The following FBLN2 variants were observed in gnomAD, a reference collection of about 807,000 sequenced individuals.
FBLN2 encodes the protein fibulin 2, also known as fibulin-2.
In FBLN2, 81 loss-of-function variants were observed where a neutral mutation model predicts 123.7. That is an observed-to-expected ratio of 0.65 (90% CI 0.55 to 0.79). FBLN2 has a LOEUF of 0.79. Ranked by LOEUF, FBLN2 falls within the 30% of genes least tolerant of loss-of-function variation. FBLN2 has a pLI of 0.00. For synonymous variants in FBLN2, 699 were observed against 701.4 expected (o/e 1.00, Z 0.05); for missense variants, 1,603 against 1,681.3 (o/e 0.95, Z 0.81).
chr3:13,633,383 G>C (rs989493821), intron 16 of FBLN2, among the ~76,000 whole-genome samples: 5 of 152,270 alleles, frequency 3.3e-5, no homozygotes, highest in African/African-American at 1.2e-4. Context: ...GCCCCACCAG[G>C]AGGTTGGGGC....
chr3:13,552,143 G>C (rs1367266500), intron 1 of FBLN2, among the ~76,000 whole-genome samples: 1 of 152,130 alleles, frequency 6.6e-6, no homozygotes, highest in African/African-American at 2.4e-5. Flanking sequence ...TTCTGGTTTG[G>C]GGAGGGGTGG....
chr3:13,623,256 C>T (rs1033311747), intron 9 of FBLN2, among the ~76,000 whole-genome samples: 2 of 152,342 alleles, frequency 1.3e-5, no homozygotes, highest in African/African-American at 2.4e-5. Context: ...CCAGGGCCCA[C>T]GAGCACCCCT....
At chr3:13,628,068 G>A in intron 11 of FBLN2, 99 bp downstream of exon 11, 2 of 1,441,136 alleles carry the variant, frequency 1.4e-6, no homozygotes, top group Non-Finnish European at 9.4e-7. Flanking sequence ...GGCCTGGCTT[G>A]CTGCTCCATT....
intron 10 of FBLN2, among the ~76,000 whole-genome samples, chr3:13,627,273 C>T (rs1325167490): frequency 1.3e-5 from 2 of 152,144 alleles, no homozygotes; most frequent in Non-Finnish European, 2.9e-5. Context: ...GGAGGAAGCA[C>T]TCTTGGCATG....
Position 13,637,780 on chromosome 3 carries a change from C to T in FBLN2, c.3557C>T (p.Thr1186Met), listed in dbSNP as rs768351865. 3.7e-6 allele frequency: 6 copies of T among 1,613,798 alleles called. No individual in the cohort carries two copies. Among genetic ancestry groups the T allele is most frequent in the Admixed American group, 1.7e-5 (1 of 60,006 alleles). ...GGCACGCGCAGGCTCAATGCCTACA[C>T]GGGTGTGGTCTACCTGCAGCGGGCC... is the stretch of plus-strand genomic sequence containing the variant. ...YFGTRRLNAY[T>M]GVVYLQRAVL... Residue 1186 changes from threonine to methionine, a missense_variant, in exon 18 of 18, where the codon ACG (threonine) becomes ATG (methionine). Physicochemically the swap from Thr to Met is moderately conservative, Grantham distance 81 (BLOSUM62 -1). Transcript: ENST00000404922.
chr3:13,629,942 G>A lies in FBLN2; in HGVS notation c.2965G>A (p.Glu989Lys). ...FLLAADGKRC[E>K]DVNECEAQRC... ...GCTAGCAGCGGACGGCAAGCGCTGTGAAGGTAGGCTGGCCCTCATCTCTGA... is the reference window on the plus strand; with the variant it reads ...GCTAGCAGCGGACGGCAAGCGCTGTAAAGGTAGGCTGGCCCTCATCTCTGA... Residue 989 changes from glutamate (E) to lysine (K), a missense_variant, in exon 14 of 18, where the codon GAA (glutamate) becomes AAA (lysine). Transcript: ENST00000404922. The A allele has an allele frequency of 7.5e-6, 12 of 1,610,514 alleles. No homozygotes were observed. Among genetic ancestry groups the A allele is most frequent in the Non-Finnish European group, 9.3e-6 (11 of 1,179,034 alleles).
At chr3:13,596,032 G>T (rs1194999052) in intron 2 of FBLN2, among the ~76,000 whole-genome samples, 1 of 152,290 alleles carries the variant, frequency 6.6e-6, no homozygotes, top group Non-Finnish European at 1.5e-5. Flanking sequence ...TACTATTCAG[G>T]ATTGACCCTT....
At chr3:13,572,599 C>G (rs1039654432) in intron 2 of FBLN2, among the ~76,000 whole-genome samples, 1 of 152,262 alleles carries the variant, frequency 6.6e-6, no homozygotes, top group African/African-American at 2.4e-5. Flanking sequence ...GGGACCGGCC[C>G]AAGGCTGTGC....
chr3:13,631,550 T>C, intron 16 of FBLN2, 93 bp downstream of exon 16: 2 of 1,407,702 alleles, frequency 1.4e-6, no homozygotes. Flanking sequence ...TGCGTGCACT[T>C]GGAGCCCCCA....
At chr3:13,596,597 G>A (rs1230666962) in intron 2 of FBLN2, among the ~76,000 whole-genome samples, 1 of 152,006 alleles carries the variant, frequency 6.6e-6, no homozygotes, top group African/African-American at 2.4e-5. Flanking sequence ...TTTTAGTTGT[G>A]CTCTTCCAAG....
intron 10 of FBLN2, among the ~76,000 whole-genome samples, chr3:13,627,419 A>G (rs1490796513): frequency 6.6e-6 from 1 of 152,138 alleles, no homozygotes; most frequent in Non-Finnish European, 1.5e-5. Context: ...GCCCCCTGCA[A>G]GTGTGGGACA....
Position 13,607,235 on chromosome 3 carries a change from C to T in FBLN2, c.1307-827C>T, listed in dbSNP as rs1034247269. Among the ~76,000 whole-genome samples, 12 of 152,284 alleles carry T rather than the reference C, an allele frequency of 7.9e-5. No individual in the cohort carries two copies. The South Asian group carries it at 8.3e-4, about 11-fold the overall frequency. ...ACTCCTGACCTCGTGATCTGCCCGC[C>T]TCAGCCTCTCAAAGTGCTGGGATAA... On this transcript the variant is annotated intron_variant, in intron 2 of 17. Transcript: ENST00000404922.
At chr3:13,629,438 C>T (rs1263292987) in intron 13 of FBLN2, 146 bp downstream of exon 13, 2 of 1,149,856 alleles carry the variant, frequency 1.7e-6, no homozygotes, top group Non-Finnish European at 2.4e-6. Flanking sequence ...CAGCTGGCCT[C>T]ATCCTCCTGC....
At chr3:13,565,527 G>A (rs1194848109) in intron 1 of FBLN2, among the ~76,000 whole-genome samples, 3 of 152,240 alleles carry the variant, frequency 2.0e-5, no homozygotes, top group Admixed American at 1.3e-4. Flanking sequence ...TTGGGAGGCC[G>A]AGACAGGGTG....
Position 13,571,225 on chromosome 3 carries a change from G to A in FBLN2, c.870G>A (p.Met290Ile). The A allele has an allele frequency of 3.8e-6, 6 of 1,569,784 alleles. No homozygotes were observed. Among genetic ancestry groups the A allele is most frequent in the Non-Finnish European group, 4.3e-6 (5 of 1,157,828 alleles). Reference sequence around the variant, plus strand: ...AGGAGGAGGAGGAGAGAGAGGAAATGGCTGTCACTGAGCAGCTGGCAGCAG... The same window carrying A: ...AGGAGGAGGAGGAGAGAGAGGAAATAGCTGTCACTGAGCAGCTGGCAGCAG... ...EEEEEEEREE[M>I]AVTEQLAAGG... The change falls in exon 2 of 18, where the codon ATG (methionine) becomes ATA (isoleucine). Residue 290 changes from methionine to isoleucine, a missense_variant. Transcript: ENST00000404922.
rs1450581876 is a variant in FBLN2 at position 13,612,278 on chromosome 3, TC to T, written c.1549-1705del. Among the ~76,000 whole-genome samples, 11 of 145,634 alleles carry T rather than the reference TC, an allele frequency of 7.6e-5. No homozygotes were observed. The South Asian group carries it at 2.4e-3, about 32-fold the overall frequency. The stretch of plus-strand genomic sequence containing the variant: ...TTTCTTTTTTCTTTTATTTTCCTTT[TC>T]TTTTCTTTTATTTTCCTTTCTTTCT... On this transcript the variant is annotated intron_variant, in intron 4 of 17. Coordinates refer to ENST00000404922, the MANE Select transcript of FBLN2 (RefSeq NM_001004019.2).
At chr3:13,561,094 C>T (rs1703588750) in intron 1 of FBLN2, among the ~76,000 whole-genome samples, 1 of 152,184 alleles carries the variant, frequency 6.6e-6, no homozygotes, top group Non-Finnish European at 1.5e-5. Flanking sequence ...CCTCTGATTT[C>T]CCTTACTGGC....
At chr3:13,596,663 T>A (rs1656280768) in intron 2 of FBLN2, among the ~76,000 whole-genome samples, 1 of 152,088 alleles carries the variant, frequency 6.6e-6, no homozygotes, top group Admixed American at 6.6e-5. Flanking sequence ...CCTCCAGAAA[T>A]TTTTCATCTT....
At position 13,618,215 on chromosome 3, in the gene FBLN2, T is replaced by C; in HGVS notation, c.1869T>C (p.Thr623=). The C allele has an allele frequency of 6.2e-7, 1 of 1,613,948 alleles. No individual in the cohort carries two copies. The highest frequency in any genetic ancestry group is 8.5e-7 in the Non-Finnish European group (1 of 1,179,904). Residue 623 remains threonine (T), a synonymous_variant, in exon 6 of 18, where the codon ACT becomes ACC. Coordinates refer to ENST00000404922, the MANE Select transcript of FBLN2 (RefSeq NM_001004019.2). ...GELCQHLCIN[T]VGSYHCACFP... Reference sequence around the variant, plus strand: ...TGTGCCAGCACCTTTGCATCAATACTGTGGGTTCTTACCACTGTGCCTGCT... The same window carrying C: ...TGTGCCAGCACCTTTGCATCAATACCGTGGGTTCTTACCACTGTGCCTGCT...
Sources: allele counts gnomAD v4.1 joint callset (sites outside exome capture counted in the v4.1 genomes callset), GRCh38; gene constraint gnomAD v4.1.1; transcripts MANE v1.5; gene names NCBI Gene and HGNC (gene_info 2026-07-23, HGNC 2026-07-21).